NFATC2: variants seen among roughly 807,000 people sequenced by gnomAD.
NFATC2 encodes nuclear factor of activated T-cells, cytoplasmic 2.
Under a neutral mutation model 87.3 loss-of-function variants are expected in NFATC2, and 22 were observed. The observed-to-expected ratio is 0.25, with a 90% CI of 0.18 to 0.36. The LOEUF is 0.36. Among genes scored for constraint, NFATC2 ranks in the 10% least tolerant of loss-of-function variants. The probability of loss-of-function intolerance (pLI) is 1.00; values close to 1 mark genes in which losing one functional copy is unlikely to be tolerated. For synonymous variants in NFATC2, 565 were observed against 542.2 expected, an observed-to-expected ratio of 1.04 and a Z score of -0.58; for missense variants, 1,149 against 1,259.1, an observed-to-expected ratio of 0.91 and a Z score of 1.32.
intron 2 of NFATC2, among the ~76,000 whole-genome samples, chr20:51,522,025 G>A (rs182276154): frequency 2.6e-5 from 4 of 152,226 alleles, no homozygotes; most frequent in Non-Finnish European, 2.9e-5. Flanking sequence ...GGTATTCTAA[G>A]GTATGATCAT....
At chr20:51,461,549 G>A (rs886431388) in intron 5 of NFATC2, among the ~76,000 whole-genome samples, 5 of 152,312 alleles carry the variant, frequency 3.3e-5, no homozygotes, top group South Asian at 2.1e-4. Flanking sequence ...TCAACAGGAC[G>A]CTGTTGGTTT....
chr20:51,428,672 G>A (rs1600711609), intron 9 of NFATC2, among the ~76,000 whole-genome samples: 1 of 152,198 alleles, frequency 6.6e-6, no homozygotes, highest in South Asian at 2.1e-4. Context: ...CAGGGCAGGG[G>A]CGGGATCAGC....
In NFATC2 at chr20:51,405,262, C is replaced by T. The variant is rs1443975524; in HGVS notation, c.2723-6532G>A. 2.6e-5 allele frequency among the ~76,000 whole-genome samples: 4 copies of T among 152,166 alleles called. No individual in the cohort carries two copies. The East Asian group carries it at 5.8e-4, about 22-fold the overall frequency. Reference sequence around the variant, plus strand: ...CAACCCACCCTCCACCACTAGACTTCAATGATGCCTTTCAAACCCCAGATC... The same window carrying T: ...CAACCCACCCTCCACCACTAGACTTTAATGATGCCTTTCAAACCCCAGATC... On this transcript the variant is annotated intron_variant, in intron 9 of 10. Coordinates refer to ENST00000371564, the MANE Select transcript of NFATC2 (RefSeq NM_012340.5).
chr20:51,422,638 T>A (rs1245968485), intron 9 of NFATC2, among the ~76,000 whole-genome samples: 2 of 149,360 alleles, frequency 1.3e-5, no homozygotes, highest in African/African-American at 5.0e-5. Flanking sequence ...GTTGAACTGG[T>A]TCAGAGCAAA....
At chr20:51,530,298 C>T (rs1224840467) in intron 1 of NFATC2, among the ~76,000 whole-genome samples, 2 of 152,138 alleles carry the variant, frequency 1.3e-5, no homozygotes, top group Non-Finnish European at 2.9e-5. Context: ...TCCTGAGTAG[C>T]TGGGATTACA....
At chr20:51,428,535 C>T (rs555599724) in intron 9 of NFATC2, among the ~76,000 whole-genome samples, 71 of 152,182 alleles carry the variant, frequency 4.7e-4, no homozygotes, top group Non-Finnish European at 8.5e-4. Flanking sequence ...GGAATGCAGG[C>T]GGGAAGGGCT....
chr20:51,536,994 C>G (rs1054848406), intron 1 of NFATC2, among the ~76,000 whole-genome samples: 2 of 152,092 alleles, frequency 1.3e-5, no homozygotes, highest in African/African-American at 4.8e-5. Context: ...GCCTGGGGGC[C>G]AGGGGAGGCC....
chr20:51,423,856 C>T (rs1385611973), intron 9 of NFATC2, among the ~76,000 whole-genome samples: 1 of 152,174 alleles, frequency 6.6e-6, no homozygotes, highest in African/African-American at 2.4e-5. Context: ...TGGCTTCTGA[C>T]CTCCAAATGC....
intron 1 of NFATC2, among the ~76,000 whole-genome samples, chr20:51,551,620 G>C (rs921127863): frequency 6.7e-6 from 1 of 148,562 alleles, no homozygotes; most frequent in African/African-American, 2.5e-5. Context: ...ATGTTGCCTA[G>C]GTTGGTCTCG....
intron 1 of NFATC2, among the ~76,000 whole-genome samples, chr20:51,534,892 G>A (rs1235485933): frequency 2.0e-5 from 3 of 152,168 alleles, no homozygotes; most frequent in Non-Finnish European, 2.9e-5. Flanking sequence ...CACTTATTTG[G>A]CTCAGCAGAA....
intron 9 of NFATC2, among the ~76,000 whole-genome samples, chr20:51,428,788 G>A (rs1053069905): frequency 2.0e-5 from 3 of 152,256 alleles, no homozygotes; most frequent in Admixed American, 1.3e-4. Flanking sequence ...CCCTCAAAAC[G>A]CATAAGCCCA....
chr20:51,420,286 C>T (rs1373190320), intron 9 of NFATC2, among the ~76,000 whole-genome samples: 1 of 152,162 alleles, frequency 6.6e-6, no homozygotes, highest in Non-Finnish European at 1.5e-5. Flanking sequence ...GAGCAAGGCA[C>T]TGACTATCAC....
chr20:51,478,770 C>T (rs557017149), intron 3 of NFATC2, among the ~76,000 whole-genome samples: 59 of 152,208 alleles, frequency 3.9e-4, no homozygotes, highest in Non-Finnish European at 6.6e-4. Context: ...CACAGCCCAG[C>T]CTCTGCCTTC....
intron 2 of NFATC2, among the ~76,000 whole-genome samples, chr20:51,522,392 T>C (rs1232122087): frequency 6.6e-6 from 1 of 152,138 alleles, no homozygotes; most frequent in African/African-American, 2.4e-5. Context: ...ATTAGCAATG[T>C]CTTTCACAAG....
chr20:51,413,871 G>C (rs903624090), intron 9 of NFATC2, among the ~76,000 whole-genome samples: 23 of 152,350 alleles, frequency 1.5e-4, no homozygotes, highest in African/African-American at 5.3e-4. Flanking sequence ...CTGGGCTACA[G>C]TTTCCTCATC....
rs1304856546 is a variant in NFATC2 at position 51,523,656 on chromosome 20, G to A, written c.585C>T (p.Asn195=). ...PYTSPCVSPN[N]GGPDDLCPQF... ...GCGGACACAGGTCGTCGGGCCCGCC[G>A]TTATTGGGCGAGACGCAGGGCGAGG... Residue 195 remains asparagine, a synonymous_variant, in exon 2 of 11, where the codon AAC becomes AAT. Transcript: ENST00000371564. This position sits in a 1 kb window ranked among gnomAD's most constrained non-coding sequence, Gnocchi z 6.9. 6.2e-7 allele frequency: 1 copy of A among 1,613,902 alleles called. No individual in the cohort carries two copies. Among genetic ancestry groups the A allele is most frequent in the Non-Finnish European group, 8.5e-7 (1 of 1,179,874 alleles).
At chr20:51,402,158 A>G (rs985847455) in intron 9 of NFATC2, among the ~76,000 whole-genome samples, 1 of 152,222 alleles carries the variant, frequency 6.6e-6, no homozygotes, top group Non-Finnish European at 1.5e-5. Context: ...CTTACAATCT[A>G]CGGAGAAACA....
At position 51,523,012 on chromosome 20, in the gene NFATC2, T is replaced by A. The variant is rs74948130; in HGVS notation, c.1160+69A>T. 8.8e-6 allele frequency: 14 copies of A among 1,592,526 alleles called. No individual in the cohort carries two copies. In the African/African-American group the frequency reaches 1.7e-4, roughly 20 times the overall value. ...GTCTTAAACCTGACTCTGAATCCCA[T>A]GCTCATAACCAGAAAACCATCTCTT... On this transcript the variant is annotated intron_variant, in intron 2 of 10. Transcript: ENST00000371564. This position sits in a 1 kb window ranked among gnomAD's most constrained non-coding sequence, Gnocchi z 6.9.
chr20:51,418,951 A>ACCCCCCCCCCCCC (rs138137281), intron 9 of NFATC2, among the ~76,000 whole-genome samples: 4 of 145,958 alleles, frequency 2.7e-5, no homozygotes, highest in African/African-American at 8.0e-5. Flanking sequence ...GGCGTGAGCC[A>ACCCCCCCCCCCCC]CCCCCACCGC....
Sources: allele counts gnomAD v4.1 joint callset (sites outside exome capture counted in the v4.1 genomes callset), GRCh38; gene constraint gnomAD v4.1.1; non-coding constraint Gnocchi (gnomAD v3.1); transcripts MANE v1.5; gene names NCBI Gene and HGNC (gene_info 2026-07-23, HGNC 2026-07-21).